Variants in CLCN2 observed in about 807,000 individuals in gnomAD.
CLCN2 encodes chloride channel protein 2.
Under a neutral mutation model 108.3 loss-of-function variants are expected in CLCN2, and 72 were observed. That is an observed-to-expected ratio of 0.66 (90% CI 0.55 to 0.81). The LOEUF (loss-of-function observed/expected upper bound fraction) is 0.81. Among genes scored for constraint, CLCN2 ranks in the 30% least tolerant of loss-of-function variants. CLCN2 has a pLI of 0.00. For synonymous variants in CLCN2, 471 were observed against 467.1 expected (o/e 1.01, Z -0.11); for missense variants, 1,048 against 1,205.2 (o/e 0.87, Z 1.93).
chr3:184,354,349 C>T (rs902687190), intron 14 of CLCN2, 35 bp from the exon 15 acceptor site: 1 of 1,602,976 alleles, frequency 6.2e-7, no homozygotes, highest in African/African-American at 1.3e-5. Flanking sequence ...CTCAGGGTGC[C>T]CAGGTCCCAG....
chr3:184,358,228 G>C lies in CLCN2; in HGVS notation c.435C>G (p.Ile145Met). The part of the protein sequence containing the change: ...LAWVTYPVVL[I>M]TFSAGFTQIL... ...TCTGTGTGAATCCGGCTGAGAAAGTGATGAGGACAACAGGGTAGGTGACCC... is the reference window on the plus strand; with the variant it reads ...TCTGTGTGAATCCGGCTGAGAAAGTCATGAGGACAACAGGGTAGGTGACCC... The change falls in exon 4 of 24, where the codon ATC becomes ATG. Residue 145 changes from isoleucine to methionine, a missense_variant. Transcript: ENST00000265593. 1 of 1,614,188 alleles carries C rather than the reference G, an allele frequency of 6.2e-7. No individual in the cohort carries two copies. Among genetic ancestry groups the C allele is most frequent in the Non-Finnish European group, 8.5e-7 (1 of 1,180,036 alleles).
intron 7 of CLCN2, 28 bp downstream of exon 7, chr3:184,357,592 G>A: frequency 6.2e-7 from 1 of 1,613,980 alleles, no homozygotes; most frequent in Non-Finnish European, 8.5e-7. Context: ...GGGTTGTGGG[G>A]CTGGACTGAC....
At position 184,346,748 on chromosome 3, in the gene CLCN2, G is replaced by A. The variant is rs1219041452; in HGVS notation, c.2555C>T (p.Pro852Leu). ...ACTGTCTCGGAAGCTGGCGAGGGGC[G>A]GCCGGACTTTCACACCCTGTGCTGT... ...SVTAQGVKVR[P>L]PLASFRDSAT... Residue 852 changes from proline to leucine, a missense_variant, in exon 24 of 24, where the codon CCG (proline) becomes CTG (leucine). Transcript: ENST00000265593. The surrounding 1 kb of genome is among the most constrained non-coding windows in gnomAD (Gnocchi z 6.0). 1.5e-5 allele frequency: 24 copies of A among 1,614,140 alleles called. No homozygotes were observed. Among genetic ancestry groups the A allele is most frequent in the Non-Finnish European group, 2.0e-5 (24 of 1,180,018 alleles).
rs766416367 is a variant in CLCN2 at position 184,352,845 on chromosome 3, G to A, written c.2144-35C>T. On this transcript the variant is annotated intron_variant, in intron 18 of 23. Transcript: ENST00000265593. ...CAAACATAAGGCCCCAGGGGGCAATGTCATCTTTTGGGGAGAGGACCAGGA... is the reference window on the plus strand; with the variant it reads ...CAAACATAAGGCCCCAGGGGGCAATATCATCTTTTGGGGAGAGGACCAGGA... 5 of 1,609,848 alleles carry A rather than the reference G, an allele frequency of 3.1e-6. No individual in the cohort carries two copies. In the East Asian group the frequency reaches 1.1e-4, roughly 36 times the overall value.
intron 22 of CLCN2, among the ~76,000 whole-genome samples, chr3:184,350,973 G>A (rs1230924186): frequency 2.0e-5 from 3 of 152,178 alleles, no homozygotes; most frequent in Non-Finnish European, 4.4e-5. Flanking sequence ...GAGGTTTTGG[G>A]AAGAAGGGCT....
Position 184,355,806 on chromosome 3 carries a change from TG to T in CLCN2, c.1086-29del, listed in dbSNP as rs1373721843. On this transcript the variant is annotated intron_variant, in intron 10 of 23. Coordinates refer to ENST00000265593, the MANE Select transcript of CLCN2 (RefSeq NM_004366.6). This position sits in a 1 kb window ranked among gnomAD's most constrained non-coding sequence, Gnocchi z 6.3. ...AGAGTCGTAGGTTTCACATCAGTCG[TG>T]GGTGGCCAAGGGCTGGGTGGCCTCG... 1.2e-6 allele frequency: 2 copies of T among 1,606,402 alleles called. No homozygotes were observed. The highest frequency in any genetic ancestry group is 1.7e-6 in the Non-Finnish European group (2 of 1,173,782).
chr3:184,346,714 G>A lies in CLCN2; in HGVS notation c.2589C>T (p.Ser863=), dbSNP rs139003876. 1 of 1,614,168 alleles carries A rather than the reference G, an allele frequency of 6.2e-7. No individual in the cohort carries two copies. Among genetic ancestry groups the A allele is most frequent in the Non-Finnish European group, 8.5e-7 (1 of 1,180,026 alleles). Residue 863 remains serine (S), a synonymous_variant, in exon 24 of 24, where the codon AGC becomes AGT. Transcript: ENST00000265593. The surrounding 1 kb of genome is among the most constrained non-coding windows in gnomAD (Gnocchi z 6.0). ...CCTCAGTGGTCTCCGTGTCACTGCTGCTGGTGGCACTGTCTCGGAAGCTGG... is the reference window on the plus strand; with the variant it reads ...CCTCAGTGGTCTCCGTGTCACTGCTACTGGTGGCACTGTCTCGGAAGCTGG... The part of the protein sequence containing the change: ...PLASFRDSAT[S]SSDTETTEVH...
At chr3:184,347,528 G>C in intron 22 of CLCN2, 1 of 234,488 alleles carries the variant, frequency 4.3e-6, no homozygotes, top group East Asian at 1.0e-4. Context: ...CACAACCCCA[G>C]TCCTGTTTAG....
chr3:184,353,085 A>C lies in CLCN2; in HGVS notation c.2091T>G (p.Pro697=). The change falls in exon 18 of 24, where the codon CCT becomes CCG. Residue 697 remains proline, a synonymous_variant. Transcript: ENST00000265593. ...TGACACTGGGCCCCCTCTTGAGTGC[A>C]GGCTTTAGGGGCTTGTGGGTCTCCC... The part of the protein sequence containing the change: ...ARGETHKPLK[P]ALKRGPSVTR... The C allele has an allele frequency of 6.2e-7, 1 of 1,614,082 alleles. No individual in the cohort carries two copies.
chr3:184,350,733 G>C (rs1728030561), intron 22 of CLCN2, among the ~76,000 whole-genome samples: 1 of 152,184 alleles, frequency 6.6e-6, no homozygotes, highest in African/African-American at 2.4e-5. Context: ...CACTGCGCCA[G>C]TTCTGCTACT....
intron 16 of CLCN2, 71 bp downstream of exon 16, chr3:184,353,591 G>A (rs1007586100): frequency 6.3e-6 from 10 of 1,598,016 alleles, no homozygotes; most frequent in East Asian, 2.2e-5. Context: ...CTGGTCCTGA[G>A]CTCCCTGCCC....
chr3:184,347,552 G>A (rs962280644), intron 22 of CLCN2: 3 of 195,204 alleles, frequency 1.5e-5, no homozygotes, highest in Non-Finnish European at 3.2e-5. Context: ...CAGATATACC[G>A]AGAAGGGAGA....
Position 184,354,659 on chromosome 3 carries a change from C to T in CLCN2, c.1397-1G>A, listed in dbSNP as rs1478304584. Reference sequence around the variant, plus strand: ...CCCACCAGACGCCCAAATGCTGCTCCTTCAGGGAGGGGGGTGGGAAGAGAA... The same window carrying T: ...CCCACCAGACGCCCAAATGCTGCTCTTTCAGGGAGGGGGGTGGGAAGAGAA... On this transcript the variant is annotated splice_acceptor_variant, in intron 13 of 23. Transcript: ENST00000265593. LOFTEE classifies it high-confidence loss of function. The T allele has an allele frequency of 1.2e-6, 2 of 1,601,244 alleles. No homozygotes were observed. Among genetic ancestry groups the T allele is most frequent in the Non-Finnish European group, 1.7e-6 (2 of 1,176,500 alleles).
At position 184,354,888 on chromosome 3, in the gene CLCN2, G is replaced by A; in HGVS notation, c.1396+16C>T. ...AGGAAGGTGCAGGCTGGGTGAGCAGGCAGCTGAGAACTCACCAATGACAAA... is the reference window on the plus strand; with the variant it reads ...AGGAAGGTGCAGGCTGGGTGAGCAGACAGCTGAGAACTCACCAATGACAAA... On this transcript the variant is annotated intron_variant, in intron 13 of 23. Transcript: ENST00000265593. 6.2e-7 allele frequency: 1 copy of A among 1,611,314 alleles called. No individual in the cohort carries two copies.
At chr3:184,352,949 C>T in intron 18 of CLCN2, 84 bp downstream of exon 18, 1 of 1,516,360 alleles carries the variant, frequency 6.6e-7, no homozygotes, top group South Asian at 1.1e-5. Context: ...CTGGGATGTA[C>T]CCCAGCAACA....
rs115961753 is a variant in CLCN2 at position 184,353,341 on chromosome 3, C to T, written c.1937G>A (p.Arg646Gln). ...GGCTCTGCGCTCCTGCATGTGCTGC[C>T]GCCGGCGGGCTGGGCTCAGCTGGGC... ...LGAQLSPARR[R>Q]QHMQERRATQ... The change falls in exon 17 of 24, where the codon CGG becomes CAG. Residue 646 changes from arginine (R) to glutamine (Q), a missense_variant. Coordinates refer to ENST00000265593, the MANE Select transcript of CLCN2 (RefSeq NM_004366.6). 448 of 1,613,264 alleles carry T rather than the reference C, an allele frequency of 2.8e-4. 3 individuals are homozygous for T. In the African/African-American group the frequency reaches 5.1e-3, roughly 18 times the overall value.
chr3:184,359,189 G>C, intron 1 of CLCN2, 58 bp from the exon 2 acceptor site: 1 of 1,603,188 alleles, frequency 6.2e-7, no homozygotes. Context: ...GGAACGCAGG[G>C]AGAGTTCTTA....
At chr3:184,359,769 T>C (rs13099401) in intron 1 of CLCN2, among the ~76,000 whole-genome samples, 107,592 of 152,062 alleles carry the variant, frequency 0.71, 39,976 homozygotes, top group African/African-American at 0.93. Context: ...CTCAGCCCCA[T>C]TCTGGAGCTG....
At chr3:184,352,996 G>A (rs771822777) in intron 18 of CLCN2, 37 bp downstream of exon 18, 8 of 1,589,324 alleles carry the variant, frequency 5.0e-6, no homozygotes, top group Non-Finnish European at 6.9e-6. Flanking sequence ...TCAGTAGCTT[G>A]GCTGAGGCTC....
Sources: gnomAD v4.1 joint callset for allele counts (sites outside exome capture counted in the v4.1 genomes callset) on GRCh38, gnomAD v4.1.1 for gene constraint, Gnocchi (gnomAD v3.1) non-coding constraint, MANE v1.5 for transcripts, NCBI Gene and HGNC (gene_info 2026-07-23, HGNC 2026-07-21) for gene names.